The following LRGUK variants were observed in gnomAD, a reference collection of about 807,000 sequenced individuals.
LRGUK encodes the protein leucine rich repeats and guanylate kinase domain containing.
A neutral mutation model predicts 76.0 loss-of-function variants in LRGUK; 65 were observed. The ratio of observed to expected loss-of-function variants is 0.85; its 90% CI spans 0.70 to 1.05. LRGUK has a LOEUF of 1.05. Among genes scored for constraint, LRGUK ranks in the 50% least tolerant of loss-of-function variants. The pLI is 0.00. For synonymous variants in LRGUK, 268 were observed against 265.6 expected (o/e 1.01, Z -0.09); for missense variants, 758 against 732.8 (o/e 1.03, Z -0.40).
At chr7:134,176,947 A>G in intron 8 of LRGUK, 30 bp from the exon 9 acceptor site, 1 of 1,401,266 alleles carries the variant, frequency 7.1e-7, no homozygotes, top group Non-Finnish European at 1.0e-6. Context: ...AAGGAAGGCA[A>G]CTGAACAGTC....
rs540125769 is a variant in LRGUK, at chr7:134,245,151, G to A, written c.1984-2405G>A. ...GTATACATATGTAACAAACCTGCACGTTGTGCACATGTACCCTAGAACTTA... is the reference window on the plus strand; with the variant it reads ...GTATACATATGTAACAAACCTGCACATTGTGCACATGTACCCTAGAACTTA... On this transcript the variant is annotated intron_variant, in intron 16 of 19. Coordinates refer to the LRGUK transcript ENST00000285928. Among the ~76,000 whole-genome samples the A allele has an allele frequency of 7.9e-5, 12 of 152,126 alleles. 1 individual carries two copies. In the South Asian group the frequency reaches 2.5e-3, roughly 32 times the overall value.
At chr7:134,136,531 C>G (rs1023986043) in intron 1 of LRGUK, among the ~76,000 whole-genome samples, 1 of 152,064 alleles carries the variant, frequency 6.6e-6, no homozygotes, top group African/African-American at 2.4e-5. Context: ...TGGGACTGGA[C>G]AGATTGGGAT....
intron 14 of LRGUK, among the ~76,000 whole-genome samples, chr7:134,200,673 G>T (rs1800732229): frequency 1.3e-5 from 2 of 152,150 alleles, no homozygotes; most frequent in African/African-American, 4.8e-5. Flanking sequence ...AAACAGCAAT[G>T]TCATATGGTT....
chr7:134,194,585 T>TAA (rs1399320622), intron 12 of LRGUK, among the ~76,000 whole-genome samples: 1 of 151,934 alleles, frequency 6.6e-6, no homozygotes, highest in Non-Finnish European at 1.5e-5. Context: ...CTTCAAAAAA[T>TAA]AAAGAATTAG....
intron 4 of LRGUK, among the ~76,000 whole-genome samples, chr7:134,146,859 G>A (rs753928908): frequency 6.6e-6 from 1 of 152,150 alleles, no homozygotes; most frequent in East Asian, 1.9e-4. Context: ...TTATGTAATT[G>A]CTTGATGGTT....
chr7:134,250,300 A>ATTTTTC (rs1359469067), intron 18 of LRGUK, among the ~76,000 whole-genome samples: 2 of 152,194 alleles, frequency 1.3e-5, no homozygotes, highest in Non-Finnish European at 2.9e-5. Context: ...AATCCCTAAG[A>ATTTTTC]ATTTAATGAA....
chr7:134,134,356 A>G (rs543511011), intron 1 of LRGUK, among the ~76,000 whole-genome samples: 1 of 152,308 alleles, frequency 6.6e-6, no homozygotes, highest in African/African-American at 2.4e-5. Flanking sequence ...GGCAGTAAAG[A>G]ATTGTGCATG....
rs962239369 is a variant in LRGUK at position 134,221,826 on chromosome 7, ATTTC to A, written c.1894_1897del (p.Ser632ArgfsTer45). On this transcript the variant is annotated frameshift_variant, in exon 16 of 20. Transcript: ENST00000285928. LOFTEE classifies it high-confidence loss of function. ...ACCTGAAGCGCATCCTACAAAGTAT[ATTTC>A]TTCGAATATGGGTGATTTCCTGCAT... 1.9e-6 allele frequency: 3 copies of A among 1,602,228 alleles called. No homozygotes were observed. The highest frequency in any genetic ancestry group is 2.6e-6 in the Non-Finnish European group (3 of 1,175,234).
At chr7:134,223,848 C>A (rs1042266317) in intron 16 of LRGUK, among the ~76,000 whole-genome samples, 1 of 152,196 alleles carries the variant, frequency 6.6e-6, no homozygotes, top group African/African-American at 2.4e-5. Flanking sequence ...CCTTGAACGC[C>A]TGGCCCCAAG....
intron 12 of LRGUK, among the ~76,000 whole-genome samples, chr7:134,195,393 T>C (rs541691150): frequency 1.8e-4 from 27 of 152,222 alleles, no homozygotes; most frequent in Non-Finnish European, 3.2e-4. Context: ...CCTCCCAAAG[T>C]TAGTTCAGCC....
chr7:134,145,998 C>T (rs1302089865), intron 4 of LRGUK, among the ~76,000 whole-genome samples: 1 of 152,176 alleles, frequency 6.6e-6, no homozygotes, highest in African/African-American at 2.4e-5. Flanking sequence ...CCTGGCTGGG[C>T]ACAGTGGCTG....
At chr7:134,267,697 T>C (rs1461781234), downstream of LRGUK, among the ~76,000 whole-genome samples, 1 of 152,152 alleles carries the variant, frequency 6.6e-6, no homozygotes, top group East Asian at 1.9e-4. Flanking sequence ...CCCAGCCATG[T>C]GGAGTTGTGA....
intron 11 of LRGUK, among the ~76,000 whole-genome samples, chr7:134,190,782 T>C (rs1308465917): frequency 7.9e-6 from 1 of 127,282 alleles, no homozygotes; most frequent in Non-Finnish European, 1.8e-5. Context: ...GTGCCAAGCA[T>C]TGGGAATGCA....
chr7:134,231,082 A>C (rs1801876408), intron 16 of LRGUK, among the ~76,000 whole-genome samples: 1 of 152,154 alleles, frequency 6.6e-6, no homozygotes, highest in African/African-American at 2.4e-5. Flanking sequence ...AATTAAGAGC[A>C]ATCTGTAAGG....
intron 16 of LRGUK, among the ~76,000 whole-genome samples, chr7:134,234,094 T>A (rs753442724): frequency 7.9e-5 from 12 of 152,228 alleles, no homozygotes; most frequent in Non-Finnish European, 1.5e-4. Context: ...ACACCCCTGC[T>A]CTAAACTGTT....
At chr7:134,180,000 G>A (rs535502505) in intron 10 of LRGUK, among the ~76,000 whole-genome samples, 52 of 152,248 alleles carry the variant, frequency 3.4e-4, no homozygotes, top group African/African-American at 1.2e-3. Context: ...GGTATAATTG[G>A]GGTGAGGATA....
At chr7:134,266,999 A>G (rs1802868504), downstream of LRGUK, among the ~76,000 whole-genome samples, 1 of 152,194 alleles carries the variant, frequency 6.6e-6, no homozygotes, top group African/African-American at 2.4e-5. Flanking sequence ...AAAGGAAAGA[A>G]CTGTCAACTT....
intron 5 of LRGUK, among the ~76,000 whole-genome samples, chr7:134,149,558 C>G (rs1481318846): frequency 6.6e-6 from 1 of 152,182 alleles, no homozygotes; most frequent in African/African-American, 2.4e-5. Context: ...GCACCACTCC[C>G]TTTAGAACTT....
intron 16 of LRGUK, among the ~76,000 whole-genome samples, chr7:134,241,005 A>G (rs1172259716): frequency 6.6e-6 from 1 of 152,242 alleles, no homozygotes; most frequent in Non-Finnish European, 1.5e-5. Flanking sequence ...ACAAATGCTA[A>G]GAGATTTTGT....
Sources: allele counts gnomAD v4.1 joint callset (sites outside exome capture counted in the v4.1 genomes callset), GRCh38; gene constraint gnomAD v4.1.1; transcripts MANE v1.5; gene names NCBI Gene and HGNC (gene_info 2026-07-23, HGNC 2026-07-21).